The following LIMCH1 variants were observed in gnomAD, a reference collection of about 807,000 sequenced individuals.
LIMCH1 encodes the protein LIM and calponin homology domains 1.
A neutral mutation model predicts 176.5 loss-of-function variants in LIMCH1; 113 were observed. The ratio of observed to expected loss-of-function variants is 0.64; its 90% confidence interval spans 0.55 to 0.75. LIMCH1 has a LOEUF of 0.75. Ranked by LOEUF, LIMCH1 falls within the 30% of genes least tolerant of loss-of-function variation. The probability of loss-of-function intolerance (pLI) is 0.00; values close to 1 mark genes in which losing one functional copy is unlikely to be tolerated. For synonymous variants in LIMCH1, 619 were observed against 645.9 expected (o/e 0.96, Z 0.63); for missense variants, 1,674 against 1,814.9 (o/e 0.92, Z 1.41).
chr4:41,533,852 A>G (rs1462386852), upstream of LIMCH1, among the ~76,000 whole-genome samples: 1 of 152,186 alleles, frequency 6.6e-6, no homozygotes, highest in East Asian at 1.9e-4. Context: ...GGAATGAGAA[A>G]GGCTCTGAGT....
chr4:41,652,465 G>A (rs192334944), intron 18 of LIMCH1, among the ~76,000 whole-genome samples: 33 of 152,180 alleles, frequency 2.2e-4, no homozygotes, highest in African/African-American at 7.2e-4. Context: ...ATTTGCATAC[G>A]TCTTACCTCT....
intron 1 of LIMCH1, among the ~76,000 whole-genome samples, chr4:41,561,503 G>A (rs2082061731): frequency 6.6e-6 from 1 of 152,174 alleles, no homozygotes; most frequent in African/African-American, 2.4e-5. Context: ...CGCTGCTCTT[G>A]TGTGATAGGT....
intron 22 of LIMCH1, among the ~76,000 whole-genome samples, chr4:41,674,640 C>T (rs1200249123): frequency 9.8e-6 from 1 of 101,618 alleles, no homozygotes; most frequent in Non-Finnish European, 2.1e-5. Context: ...TTTGATATGC[C>T]CAACCTACTG....
Position 41,602,124 on chromosome 4 carries a change from CAAAAAAAAAAAAAAAAAA to C in LIMCH1, c.-133-1741_-133-1724del, listed in dbSNP as rs540240960. Among the ~76,000 whole-genome samples, 78 of 73,300 alleles carry C rather than the reference CAAAAAAAAAAAAAAAAAA, an allele frequency of 1.1e-3. 1 individual carries two copies. Among genetic ancestry groups the C allele is most frequent in the Middle Eastern group, 0.014 (2 of 138 alleles). The allele number at this position is 73,300 out of a possible 152,430, so 48.1% of individuals were successfully genotyped here. A position where few individuals can be genotyped will look rare whatever the true frequency, so the allele number is the denominator to read the frequency against. On this transcript the variant is annotated intron_variant, in intron 2 of 31. Coordinates refer to ENST00000503057, the MANE Select transcript of LIMCH1 (RefSeq NM_001330672.2). ...TCTTTTAGAAGAAACTTGAGTAGAC[CAAAAAAAAAAAAAAAAAA>C]AAAAAAAAAGAGGAAAAGCCTGCAA...
chr4:41,485,751 G>C (rs2069412193), intron 1 of LIMCH1, among the ~76,000 whole-genome samples: 1 of 152,096 alleles, frequency 6.6e-6, no homozygotes, highest in African/African-American at 2.4e-5. Context: ...GTGGGAGCGA[G>C]GGTCTGAGTG....
chr4:41,577,475 G>A (rs1193841693), intron 1 of LIMCH1, among the ~76,000 whole-genome samples: 1 of 152,070 alleles, frequency 6.6e-6, no homozygotes, highest in African/African-American at 2.4e-5. Flanking sequence ...TCTCACCCAG[G>A]CTGAAGTGTA....
chr4:41,527,118 T>C (rs2152423659), intron 3 of LIMCH1, among the ~76,000 whole-genome samples: 1 of 152,252 alleles, frequency 6.6e-6, no homozygotes, highest in Non-Finnish European at 1.5e-5. Context: ...AAAGATCTAA[T>C]GCAAAACAGC....
At chr4:41,405,127 G>A (rs533802274) in intron 1 of LIMCH1, among the ~76,000 whole-genome samples, 6 of 151,930 alleles carry the variant, frequency 3.9e-5, no homozygotes, top group South Asian at 2.1e-4. Flanking sequence ...TTTCTTTACC[G>A]TACTATCCAC....
At chr4:41,361,032 A>G (rs2051925232) in intron 1 of LIMCH1, 3 of 727,298 alleles carry the variant, frequency 4.1e-6, no homozygotes, top group African/African-American at 1.9e-5. Context: ...CCTCCCCCCA[A>G]CCGCCCCCAC....
chr4:41,536,115 A>G (rs2077914456), upstream of LIMCH1, among the ~76,000 whole-genome samples: 1 of 152,106 alleles, frequency 6.6e-6, no homozygotes, highest in Non-Finnish European at 1.5e-5. Context: ...CTTTTTTTCC[A>G]TAGTTATAGC....
At chr4:41,468,330 T>TCCC (rs2066444849) in intron 1 of LIMCH1, among the ~76,000 whole-genome samples, 1 of 37,496 alleles carries the variant, frequency 2.7e-5, no homozygotes, top group Non-Finnish European at 5.6e-5. Flanking sequence ...CCTTCCCTGC[T>TCCC]CCCCTCCCCT....
intron 18 of LIMCH1, 78 bp downstream of exon 18, chr4:41,650,686 C>G (rs2094257424): frequency 8.3e-7 from 1 of 1,208,926 alleles, no homozygotes; most frequent in Non-Finnish European, 1.2e-6. Flanking sequence ...ATAAGTAGGT[C>G]ATGATAATGA....
chr4:41,387,597 C>CTGCT (rs2056670592), intron 1 of LIMCH1, among the ~76,000 whole-genome samples: 1 of 152,228 alleles, frequency 6.6e-6, no homozygotes, highest in South Asian at 2.1e-4. Context: ...AGAGCCAAGG[C>CTGCT]AGCAGCTTCT....
chr4:41,516,087 T>C (rs2075556056), intron 2 of LIMCH1, among the ~76,000 whole-genome samples: 1 of 152,190 alleles, frequency 6.6e-6, no homozygotes, highest in African/African-American at 2.4e-5. Flanking sequence ...GTTCTTTTCG[T>C]GTGTTGGCAG....
chr4:41,544,765 C>G (rs950238777), intron 1 of LIMCH1, among the ~76,000 whole-genome samples: 1 of 152,168 alleles, frequency 6.6e-6, no homozygotes, highest in African/African-American at 2.4e-5. Context: ...CTGGATCAGC[C>G]TTACTGCCAT....
intron 1 of LIMCH1, among the ~76,000 whole-genome samples, chr4:41,592,161 A>C (rs943477322): frequency 6.6e-6 from 1 of 152,212 alleles, no homozygotes; most frequent in Non-Finnish European, 1.5e-5. Context: ...GTCAGAGGAC[A>C]AGTGCACCTG....
At position 41,653,178 on chromosome 4, in the gene LIMCH1, C is replaced by T. The variant is rs894540369; in HGVS notation, c.3036+2570C>T. ...CTCAAATACTCATCATACTCACATGCAACTTAGGATACCACAAGTTTTCCA... is the reference window on the plus strand; with the variant it reads ...CTCAAATACTCATCATACTCACATGTAACTTAGGATACCACAAGTTTTCCA... On this transcript the variant is annotated intron_variant, in intron 18 of 31. Transcript: ENST00000503057. Among the ~76,000 whole-genome samples the T allele has an allele frequency of 2.6e-5, 4 of 152,210 alleles. No homozygotes were observed. The South Asian group carries it at 8.3e-4, about 32-fold the overall frequency.
intron 1 of LIMCH1, among the ~76,000 whole-genome samples, chr4:41,361,292 C>G (rs1408983302): frequency 6.6e-6 from 1 of 152,210 alleles, no homozygotes; most frequent in Non-Finnish European, 1.5e-5. Context: ...GTTGCAAAGG[C>G]GCAGGAAGCG....
chr4:41,605,966 C>T lies in LIMCH1; in HGVS notation c.-30C>T. ...ATCCTACAGCGGAACGACACTAAAC[C>T]TGAAGGAGTTTGAAGGATTGTTGGC... On this transcript the variant is annotated 5_prime_UTR_variant, in exon 4 of 32. Coordinates refer to ENST00000503057, the MANE Select transcript of LIMCH1 (RefSeq NM_001330672.2). 6.2e-7 allele frequency: 1 copy of T among 1,613,794 alleles called. No homozygotes were observed. Among genetic ancestry groups the T allele is most frequent in the Non-Finnish European group, 8.5e-7 (1 of 1,179,758 alleles).
Sources: allele counts gnomAD v4.1 joint callset (sites outside exome capture counted in the v4.1 genomes callset), GRCh38; gene constraint gnomAD v4.1.1; transcripts MANE v1.5; gene names NCBI Gene and HGNC (gene_info 2026-07-23, HGNC 2026-07-21).